KCNH1: variants seen among roughly 807,000 people sequenced by gnomAD.
KCNH1 encodes voltage-gated delayed rectifier potassium channel KCNH1.
KCNH1 carries 27 observed loss-of-function variants against 69.2 expected under a neutral mutation model. The observed-to-expected ratio is 0.39, with a 90% CI of 0.29 to 0.54. The LOEUF (loss-of-function observed/expected upper bound fraction) is 0.54. KCNH1 is among the 20% of genes least tolerant of loss of function. The pLI, the probability that KCNH1 is intolerant of heterozygous loss-of-function variation, is 0.68. For missense variants in KCNH1, 798 were observed against 1,261.6 expected (o/e 0.63, Z 5.57); for synonymous variants, 456 against 487.7 (o/e 0.93, Z 0.86).
chr1:210,840,503 G>A (rs1020005234), intron 7 of KCNH1, among the ~76,000 whole-genome samples: 3 of 152,176 alleles, frequency 2.0e-5, no homozygotes, highest in African/African-American at 4.8e-5. Flanking sequence ...GGGGGCATTT[G>A]GTGAAGGGAA....
At chr1:211,027,336 T>G (rs1689701725) in intron 5 of KCNH1, among the ~76,000 whole-genome samples, 1 of 152,156 alleles carries the variant, frequency 6.6e-6, no homozygotes, top group Non-Finnish European at 1.5e-5. Context: ...CCAGGCTCAG[T>G]GGCTCATGTC....
At chr1:210,691,508 C>T (rs1054584550) in intron 10 of KCNH1, among the ~76,000 whole-genome samples, 8 of 152,194 alleles carry the variant, frequency 5.3e-5, no homozygotes, top group African/African-American at 1.9e-4. Flanking sequence ...CAAACCCGGG[C>T]AACCTGAGTC....
intron 6 of KCNH1, among the ~76,000 whole-genome samples, chr1:210,951,630 A>G (rs1688064122): frequency 2.0e-5 from 3 of 152,166 alleles, no homozygotes; most frequent in Non-Finnish European, 4.4e-5. Flanking sequence ...AGAAAAACGT[A>G]TTGGTAATAG....
intron 7 of KCNH1, among the ~76,000 whole-genome samples, chr1:210,834,318 A>T (rs1208941909): frequency 7.1e-6 from 1 of 140,364 alleles, no homozygotes; most frequent in East Asian, 2.1e-4. Context: ...GGATTAAGAA[A>T]ATGTGGCACA....
intron 10 of KCNH1, among the ~76,000 whole-genome samples, chr1:210,769,206 A>C (rs1683703124): frequency 6.6e-6 from 1 of 152,206 alleles, no homozygotes; most frequent in African/African-American, 2.4e-5. Context: ...TTTATGGTTT[A>C]TCTTTCCATC....
At chr1:210,991,247 T>C (rs1319474179) in intron 6 of KCNH1, among the ~76,000 whole-genome samples, 5 of 152,176 alleles carry the variant, frequency 3.3e-5, no homozygotes, top group Admixed American at 3.3e-4. Flanking sequence ...AAACGTAGTA[T>C]ATACACACAC....
chr1:211,090,835 C>T (rs886393861), intron 3 of KCNH1, 145 bp from the exon 4 acceptor site: 32 of 738,874 alleles, frequency 4.3e-5, no homozygotes, highest in Non-Finnish European at 2.3e-5. Flanking sequence ...GGTTATCACA[C>T]CATAAATTTT....
At chr1:210,788,685 C>CTTTTTTTTTTTTTTT (rs139485350) in intron 9 of KCNH1, among the ~76,000 whole-genome samples, 3 of 80,720 alleles carry the variant, frequency 3.7e-5, no homozygotes, top group African/African-American at 1.5e-4. Context: ...TAGCTTCTTT[C>CTTTTTTTTTTTTTTT]TTTTTTTTTT....
At chr1:210,691,461 T>C (rs114066466) in intron 10 of KCNH1, among the ~76,000 whole-genome samples, 3,904 of 152,238 alleles carry the variant, frequency 0.026, 77 homozygotes, top group Middle Eastern at 0.054. Flanking sequence ...AAAGAGTAAG[T>C]GACTACCCAA....
chr1:210,994,175 A>C (rs1258148889), intron 6 of KCNH1, among the ~76,000 whole-genome samples: 1 of 152,192 alleles, frequency 6.6e-6, no homozygotes, highest in African/African-American at 2.4e-5. Flanking sequence ...ATCATACTCA[A>C]ATGATGATAC....
intron 10 of KCNH1, among the ~76,000 whole-genome samples, chr1:210,746,192 C>G (rs1011145940): frequency 6.6e-6 from 1 of 152,116 alleles, no homozygotes; most frequent in African/African-American, 2.4e-5. Context: ...CCTTCTTACT[C>G]TGTGAGTCAT....
chr1:210,778,401 T>C (rs2102375590), intron 9 of KCNH1, among the ~76,000 whole-genome samples: 1 of 152,170 alleles, frequency 6.6e-6, no homozygotes, highest in Non-Finnish European at 1.5e-5. Flanking sequence ...CATGCACCTG[T>C]AGTTCCAACT....
At chr1:211,036,599 C>G (rs959278095) in intron 5 of KCNH1, among the ~76,000 whole-genome samples, 1 of 152,176 alleles carries the variant, frequency 6.6e-6, no homozygotes, top group Non-Finnish European at 1.5e-5. Context: ...GCATAGGATA[C>G]AGACCTTGTC....
At chr1:210,887,685 A>C (rs1305425495) in intron 7 of KCNH1, among the ~76,000 whole-genome samples, 1 of 149,856 alleles carries the variant, frequency 6.7e-6, no homozygotes, top group Non-Finnish European at 1.5e-5. Flanking sequence ...GCTCAAAATA[A>C]AGGGATGGAG....
At position 211,090,664 on chromosome 1, in the gene KCNH1, T is replaced by G; in HGVS notation, c.337A>C (p.Ile113Leu). The G allele has an allele frequency of 1.2e-6, 2 of 1,606,452 alleles. No individual in the cohort carries two copies. The highest frequency in any genetic ancestry group is 1.7e-6 in the Non-Finnish European group (2 of 1,178,496). ...NRTPVWFFVK[I>L]APIRNEQDKV... is the part of the protein sequence containing the mutation. ...TCCTGTTCGTTTCGAATTGGAGCAA[T>G]TTTCACAAAGAACCACACAGGTGTC... is the stretch of plus-strand genomic sequence containing the variant. Residue 113 changes from isoleucine (I) to leucine (L), a missense_variant, in exon 4 of 11, where the codon ATT becomes CTT. Ile to Leu is a conservative substitution (Grantham distance 5). Coordinates refer to ENST00000271751, the MANE Select transcript of KCNH1 (RefSeq NM_172362.3).
At chr1:210,771,492 T>A (rs1179426970) in intron 10 of KCNH1, among the ~76,000 whole-genome samples, 2 of 152,186 alleles carry the variant, frequency 1.3e-5, no homozygotes, top group Non-Finnish European at 1.5e-5. Context: ...AACCTGCGGA[T>A]AACACCTACC....
rs1553346543 is a variant in KCNH1 at position 210,806,822 on chromosome 1, A to ATATATATATATATATAT, written c.1463-2657_1463-2656insATATATATATATATATA. Among the ~76,000 whole-genome samples, 17 of 42,096 alleles carry ATATATATATATATATAT rather than the reference A, an allele frequency of 4.0e-4. 1 individual carries two copies. Among genetic ancestry groups the ATATATATATATATATAT allele is most frequent in the South Asian group, 1.4e-3 (1 of 690 alleles). The allele number at this position is 42,096 out of a possible 152,430, so 27.6% of individuals were successfully genotyped here. A position where few individuals can be genotyped will look rare whatever the true frequency, so the allele number is the denominator to read the frequency against. On this transcript the variant is annotated intron_variant, in intron 7 of 10. Coordinates refer to ENST00000271751, the MANE Select transcript of KCNH1 (RefSeq NM_172362.3). ...CCATCTCTACCAAAAAAAAAAAAAA[A>ATATATATATATATATAT]AAAAAAAAAAAAAAATATATATATA...
chr1:210,807,277 C>G (rs1684604329), intron 7 of KCNH1, among the ~76,000 whole-genome samples: 1 of 152,038 alleles, frequency 6.6e-6, no homozygotes, highest in African/African-American at 2.4e-5. Context: ...CAATCACAAC[C>G]TTTTTCTCCT....
chr1:211,064,713 G>A (rs780481076), intron 5 of KCNH1, among the ~76,000 whole-genome samples: 3 of 151,874 alleles, frequency 2.0e-5, no homozygotes, highest in Non-Finnish European at 2.9e-5. Flanking sequence ...CTACAGAATG[G>A]AAGATCATAT....
Sources: allele counts gnomAD v4.1 joint callset (sites outside exome capture counted in the v4.1 genomes callset), GRCh38; gene constraint gnomAD v4.1.1; transcripts MANE v1.5; gene names NCBI Gene and HGNC (gene_info 2026-07-23, HGNC 2026-07-21).